Variants in PPP2R2B observed in about 807,000 individuals in gnomAD.
The protein encoded by PPP2R2B is serine/threonine-protein phosphatase 2A 55 kDa regulatory subunit B beta isoform.
In PPP2R2B, 5 loss-of-function variants were observed where a neutral mutation model predicts 46.0. The observed-to-expected ratio is 0.11, with a 90% CI of 0.06 to 0.23. The LOEUF (loss-of-function observed/expected upper bound fraction) is 0.23, where lower values mean the gene tolerates loss of function less well. Ranked by LOEUF, PPP2R2B falls within the 10% of genes least tolerant of loss-of-function variation. PPP2R2B has a pLI of 1.00. For synonymous variants in PPP2R2B, 215 were observed against 206.7 expected (o/e 1.04, Z -0.34); for missense variants, 367 against 575.0 (o/e 0.64, Z 3.70).
chr5:146,831,065 A>G (rs1758896599), intron 2 of PPP2R2B, among the ~76,000 whole-genome samples: 1 of 152,170 alleles, frequency 6.6e-6, no homozygotes, highest in African/African-American at 2.4e-5. Flanking sequence ...AAAGTAGAGC[A>G]CATACCGTTA....
intron 4 of PPP2R2B, among the ~76,000 whole-genome samples, chr5:146,693,707 C>T (rs1252559510): frequency 6.6e-6 from 1 of 152,212 alleles, no homozygotes; most frequent in Non-Finnish European, 1.5e-5. Flanking sequence ...ACAGTATCTT[C>T]CTCATGGGGC....
At chr5:146,976,144 A>G (rs1752895798) in intron 1 of PPP2R2B, among the ~76,000 whole-genome samples, 1 of 143,418 alleles carries the variant, frequency 7.0e-6, no homozygotes, top group Non-Finnish European at 1.5e-5. Context: ...TATTATTATT[A>G]TTATTATTTC....
intron 1 of PPP2R2B, among the ~76,000 whole-genome samples, chr5:146,898,280 TCTGTTTTGGTACCAGTACCATG>T (rs1561503791): frequency 6.6e-6 from 1 of 152,214 alleles, no homozygotes; most frequent in Non-Finnish European, 1.5e-5. Flanking sequence ...GATCTATATC[TCTGTTTTGGTACCAGTACCATG>T]CTGTTTTGGT....
chr5:146,706,591 T>C, intron 2 of PPP2R2B: 1 of 840,670 alleles, frequency 1.2e-6, no homozygotes, highest in Non-Finnish European at 2.0e-6. Flanking sequence ...GCATCCTTAA[T>C]GACCAGCTCC....
At chr5:146,615,427 C>G (rs1031542364) in intron 7 of PPP2R2B, among the ~76,000 whole-genome samples, 4 of 109,374 alleles carry the variant, frequency 3.7e-5, no homozygotes, top group Admixed American at 2.0e-4. Flanking sequence ...GGGTGCAGCG[C>G]ACCAGCATGG....
intron 7 of PPP2R2B, among the ~76,000 whole-genome samples, chr5:146,615,994 A>C (rs1297922100): frequency 1.3e-5 from 2 of 152,254 alleles, no homozygotes; most frequent in African/African-American, 4.8e-5. Context: ...ATTATACTAC[A>C]GAGTTACAGT....
rs73310677 is a variant in PPP2R2B at position 147,078,839 on chromosome 5, T to C, written c.50+2220A>G. On this transcript the variant is annotated intron_variant, in intron 2 of 10. Coordinates refer to the PPP2R2B transcript ENST00000394413. ...AAAAAAAAAAAAAATTGTATCACCCTGACCCTTGAAACTCTAACTTAGTAG... is the reference window on the plus strand; with the variant it reads ...AAAAAAAAAAAAAATTGTATCACCCCGACCCTTGAAACTCTAACTTAGTAG... Among the ~76,000 whole-genome samples the C allele has an allele frequency of 2.3e-3, 352 of 151,430 alleles. 3 individuals carry two copies. Among genetic ancestry groups the C allele is most frequent in the African/African-American group, 8.0e-3 (331 of 41,356 alleles).
chr5:146,982,758 GTGT>G (rs1294860740), intron 1 of PPP2R2B, among the ~76,000 whole-genome samples: 2 of 152,126 alleles, frequency 1.3e-5, no homozygotes, highest in Non-Finnish European at 2.9e-5. Context: ...TCCTTTTGGT[GTGT>G]TGATTCTTTT....
At chr5:146,809,948 T>TG (rs1406782509) in intron 2 of PPP2R2B, among the ~76,000 whole-genome samples, 1 of 152,032 alleles carries the variant, frequency 6.6e-6, no homozygotes, top group African/African-American at 2.4e-5. Flanking sequence ...TGAGATATCT[T>TG]GGGGGAGTAC....
chr5:146,833,413 C>A (rs1759078213), intron 2 of PPP2R2B, among the ~76,000 whole-genome samples: 1 of 152,140 alleles, frequency 6.6e-6, no homozygotes, highest in African/African-American at 2.4e-5. Context: ...TCTAAGCAAA[C>A]AAAGCTCTTA....
chr5:146,629,182 C>G (rs879808682), intron 7 of PPP2R2B, among the ~76,000 whole-genome samples: 12 of 152,204 alleles, frequency 7.9e-5, no homozygotes, highest in Non-Finnish European at 1.6e-4. Flanking sequence ...TAATTGTCTG[C>G]CAGACTTCTC....
rs764126610 is a variant in PPP2R2B at position 146,600,335 on chromosome 5, C to T, written c.916G>A (p.Val306Ile). 6.2e-6 allele frequency: 10 copies of T among 1,613,962 alleles called. No homozygotes were observed. The highest frequency in any genetic ancestry group is 2.2e-5 in the South Asian group (2 of 91,062). ...CGGTTTTCCATGTTGAGATCCCAGACTTTGACGGTCAAGTAGTCCCTGGTC... is the reference window on the plus strand; with the variant it reads ...CGGTTTTCCATGTTGAGATCCCAGATTTTGACGGTCAAGTAGTCCCTGGTC... ...IMTRDYLTVK[V>I]WDLNMENRPI... The change falls in exon 8 of 10, where the codon GTC becomes ATC. Residue 306 changes from valine (V) to isoleucine (I), a missense_variant. Around this residue, in one of 2 missense-constraint regions of PPP2R2B, gnomAD observed 361 missense variants for 545.5 expected, o/e 0.66. Transcript: ENST00000394411.
At chr5:146,951,065 T>G (rs1764637240) in intron 1 of PPP2R2B, among the ~76,000 whole-genome samples, 1 of 152,028 alleles carries the variant, frequency 6.6e-6, no homozygotes, top group Non-Finnish European at 1.5e-5. Context: ...ATGGCCCTTC[T>G]ATCTAAGACC....
At chr5:146,925,401 T>G (rs1763749934) in intron 1 of PPP2R2B, among the ~76,000 whole-genome samples, 1 of 152,196 alleles carries the variant, frequency 6.6e-6, no homozygotes, top group Admixed American at 6.5e-5. Flanking sequence ...GAAGGATAGT[T>G]TTGTTAGATA....
chr5:146,935,937 T>C (rs1764125561), intron 1 of PPP2R2B, among the ~76,000 whole-genome samples: 1 of 152,146 alleles, frequency 6.6e-6, no homozygotes, highest in Non-Finnish European at 1.5e-5. Flanking sequence ...TCATTTTCCT[T>C]ATCTATATAA....
rs574034456 is a variant in PPP2R2B at position 146,807,161 on chromosome 5, A to G, written c.70+70841T>C. On this transcript the variant is annotated intron_variant, in intron 2 of 9. Coordinates refer to ENST00000394411, the MANE Select transcript of PPP2R2B (RefSeq NM_181675.4). ...AGCTCCTCAGATGATTTGTTTGTAC[A>G]TGAAAGCTTAAGAATCACTGGTCTT... 2.6e-5 allele frequency among the ~76,000 whole-genome samples: 4 copies of G among 152,322 alleles called. No individual in the cohort carries two copies. The South Asian group carries it at 8.3e-4, about 32-fold the overall frequency.
At chr5:146,935,132 A>G (rs571971416) in intron 1 of PPP2R2B, among the ~76,000 whole-genome samples, 31 of 152,322 alleles carry the variant, frequency 2.0e-4, no homozygotes, top group Non-Finnish European at 3.2e-4. Context: ...CTCAAAATTC[A>G]TATGTTGAAA....
In PPP2R2B at chr5:146,698,126, G is replaced by T; in HGVS notation, c.187C>A (p.Arg63Ser). ...REQESKNQVH[R>S]RGEYNVYSTF... ...CTGTAAACATTGTATTCACCCCTAC[G>T]ATGAACCTGATTTTTACTCTGTAGG... Residue 63 changes from arginine to serine, a missense_variant, in exon 4 of 10, where the codon CGT becomes AGT. Coordinates refer to ENST00000394411, the MANE Select transcript of PPP2R2B (RefSeq NM_181675.4). The T allele has an allele frequency of 1.9e-6, 3 of 1,595,562 alleles. No homozygotes were observed. The highest frequency in any genetic ancestry group is 2.6e-6 in the Non-Finnish European group (3 of 1,173,966).
Position 146,878,050 on chromosome 5 carries a change from G to T in PPP2R2B, c.22C>A (p.Arg8Ser). 6.2e-7 allele frequency: 1 copy of T among 1,614,148 alleles called. No individual in the cohort carries two copies. Among genetic ancestry groups the T allele is most frequent in the Admixed American group, 1.7e-5 (1 of 60,030 alleles). ...CGCAGGAAACTGTTGTTGATTTTGC[G>T]GGTATCAATGTCCTCCTCCATTGAC... is the stretch of plus-strand genomic sequence containing the variant. Reference protein sequence around the residue: MEEDIDTRKINNSFLRDH... With the variant: MEEDIDTSKINNSFLRDH... Residue 8 changes from arginine (R) to serine (S), a missense_variant, in exon 2 of 10, where the codon CGC (arginine) becomes AGC (serine). Coordinates refer to ENST00000394411, the MANE Select transcript of PPP2R2B (RefSeq NM_181675.4). The surrounding 1 kb of genome is among the most constrained non-coding windows in gnomAD (Gnocchi z 4.5).
Sources: gnomAD v4.1 joint callset for allele counts (sites outside exome capture counted in the v4.1 genomes callset) on GRCh38, gnomAD v4.1.1 for gene constraint, gnomAD v4.1.1 regional missense constraint, Gnocchi (gnomAD v3.1) non-coding constraint, MANE v1.5 for transcripts, NCBI Gene and HGNC (gene_info 2026-07-23, HGNC 2026-07-21) for gene names.